Variants in ZDHHC20 observed in about 807,000 individuals in gnomAD.
ZDHHC20 encodes the protein zDHHC palmitoyltransferase 20, also known as palmitoyltransferase ZDHHC20.
A neutral mutation model predicts 57.8 loss-of-function variants in ZDHHC20; 43 were observed. That is an observed-to-expected ratio of 0.74 (90% confidence interval 0.58 to 0.96). ZDHHC20 has a LOEUF of 0.96. ZDHHC20 is among the 40% of genes least tolerant of loss of function. The probability of loss-of-function intolerance (pLI) is 0.00; values close to 1 mark genes in which losing one functional copy is unlikely to be tolerated. For missense variants in ZDHHC20, 391 were observed against 441.1 expected (o/e 0.89, Z 1.02); for synonymous variants, 157 against 153.0 (o/e 1.03, Z -0.19).
intron 3 of ZDHHC20, among the ~76,000 whole-genome samples, chr13:21,419,473 T>G (rs998660352): frequency 2.0e-5 from 3 of 152,194 alleles, no homozygotes; most frequent in Admixed American, 6.5e-5. Flanking sequence ...TCATCAACAG[T>G]AGACCGAGTA....
At chr13:21,412,438 T>C (rs1002989187) in intron 4 of ZDHHC20, among the ~76,000 whole-genome samples, 1 of 151,976 alleles carries the variant, frequency 6.6e-6, no homozygotes, top group African/African-American at 2.4e-5. Context: ...ACTGTGAAGT[T>C]AAGACATAGG....
At chr13:21,432,693 T>A (rs1297132634) in intron 1 of ZDHHC20, among the ~76,000 whole-genome samples, 1 of 152,182 alleles carries the variant, frequency 6.6e-6, no homozygotes, top group Non-Finnish European at 1.5e-5. Flanking sequence ...TGTCTTGAAC[T>A]CCTGACCTCA....
intron 1 of ZDHHC20, among the ~76,000 whole-genome samples, chr13:21,428,065 A>C (rs546553801): frequency 6.6e-6 from 1 of 152,188 alleles, no homozygotes; most frequent in East Asian, 1.9e-4. Flanking sequence ...CCAGCATCTG[A>C]AACAGTGTAC....
intron 1 of ZDHHC20, among the ~76,000 whole-genome samples, chr13:21,434,669 C>T (rs1325796358): frequency 6.6e-6 from 1 of 152,214 alleles, no homozygotes; most frequent in African/African-American, 2.4e-5. Flanking sequence ...TTACCACCAT[C>T]TTCCCTAAAT....
At chr13:21,458,924 G>A (rs1885152284) in intron 1 of ZDHHC20, 130 bp downstream of exon 1, 2 of 622,060 alleles carry the variant, frequency 3.2e-6, no homozygotes. Flanking sequence ...GCGCTTCCGA[G>A]CGCGTTCGGG....
intron 1 of ZDHHC20, among the ~76,000 whole-genome samples, chr13:21,454,199 G>A (rs1884712759): frequency 6.6e-6 from 1 of 152,046 alleles, no homozygotes; most frequent in Non-Finnish European, 1.5e-5. Flanking sequence ...GGTGGCACAT[G>A]CCTATAATCC....
At chr13:21,387,805 G>A (rs910013890) in intron 8 of ZDHHC20, among the ~76,000 whole-genome samples, 171 bp from the exon 9 acceptor site, 40 of 151,226 alleles carry the variant, frequency 2.6e-4, no homozygotes, top group Non-Finnish European at 1.5e-5. Context: ...ACTTATTTTG[G>A]GAAAAAATAG....
intron 11 of ZDHHC20, among the ~76,000 whole-genome samples, chr13:21,380,787 T>C (rs1414462411): frequency 1.4e-5 from 2 of 138,856 alleles, no homozygotes; most frequent in African/African-American, 2.9e-5. Flanking sequence ...CGAAATTCCA[T>C]CTCAAAAAAA....
Position 21,416,364 on chromosome 13 carries a change from TTCAAAACTAG to T in ZDHHC20, c.250-2602_250-2593del, listed in dbSNP as rs1373770533. 5.3e-5 allele frequency among the ~76,000 whole-genome samples: 8 copies of T among 152,316 alleles called. 1 individual carries two copies. In the East Asian group the frequency reaches 1.3e-3, roughly 26 times the overall value. On this transcript the variant is annotated intron_variant, in intron 3 of 12. Transcript: ENST00000400590. ...TTAGTACTACAAGTTTGTCTTTTTA[TTCAAAACTAG>T]TGAACAGAATTCAAACTATGAAATG...
At chr13:21,404,185 T>C in intron 4 of ZDHHC20, 2 of 397,198 alleles carry the variant, frequency 5.0e-6, no homozygotes, top group Non-Finnish European at 1.0e-5. Context: ...ACAAAAATTT[T>C]CCATACAGAA....
intron 9 of ZDHHC20, among the ~76,000 whole-genome samples, chr13:21,386,002 G>T (rs1056577398): frequency 5.3e-5 from 8 of 152,164 alleles, no homozygotes; most frequent in Non-Finnish European, 1.2e-4. Context: ...TATCGACTTA[G>T]AATTCACTGT....
chr13:21,374,951 T>G lies in ZDHHC20; in HGVS notation c.*1745A>C, dbSNP rs895162957. 12 of 357,332 alleles carry G rather than the reference T, an allele frequency of 3.4e-5. No individual in the cohort carries two copies. Among genetic ancestry groups the G allele is most frequent in the African/African-American group, 2.6e-4 (12 of 46,592 alleles). 22.1% of individuals were successfully genotyped at this position (357,332 alleles called of 1,614,324 possible). ...GAGTTAGTGATCAGCCTGGTCAACA[T>G]GGTGAAACCTCGTCTCTTCTAAAAA... On this transcript the variant is annotated 3_prime_UTR_variant, in exon 13 of 13. Coordinates refer to ENST00000400590, the MANE Select transcript of ZDHHC20 (RefSeq NM_001330059.2).
At chr13:21,381,657 C>T in intron 10 of ZDHHC20, 108 bp from the exon 11 acceptor site, 4 of 740,130 alleles carry the variant, frequency 5.4e-6, no homozygotes, top group Admixed American at 5.0e-5. Context: ...TATGTGAGGG[C>T]AACTCATGAG....
chr13:21,381,325 T>C (rs1873368537), intron 11 of ZDHHC20, 109 bp downstream of exon 11: 1 of 938,686 alleles, frequency 1.1e-6, no homozygotes, highest in African/African-American at 1.7e-5. Flanking sequence ...AAGTTTCACA[T>C]ATTTTAGTAT....
chr13:21,391,133 T>G (rs1875634591), intron 8 of ZDHHC20, among the ~76,000 whole-genome samples: 1 of 151,894 alleles, frequency 6.6e-6, no homozygotes, highest in Non-Finnish European at 1.5e-5. Flanking sequence ...CAGCTAGTTT[T>G]GTTTTGTATT....
intron 1 of ZDHHC20, among the ~76,000 whole-genome samples, chr13:21,440,086 A>G (rs1882984106): frequency 2.0e-5 from 3 of 150,650 alleles, no homozygotes; most frequent in Admixed American, 2.0e-4. Flanking sequence ...AAAAAAAAAA[A>G]AAAAAAAAAA....
chr13:21,391,000 C>T (rs919660480), intron 8 of ZDHHC20, among the ~76,000 whole-genome samples: 1 of 150,582 alleles, frequency 6.6e-6, no homozygotes, highest in Non-Finnish European at 1.5e-5. Flanking sequence ...TATTTGAGAA[C>T]AAACTTCCTT....
intron 11 of ZDHHC20, among the ~76,000 whole-genome samples, chr13:21,378,952 A>G (rs2137622989): frequency 6.6e-6 from 1 of 152,322 alleles, no homozygotes. Context: ...ATCTTGTGGA[A>G]ATACCTATTG....
intron 1 of ZDHHC20, among the ~76,000 whole-genome samples, chr13:21,450,346 A>C: frequency 6.6e-6 from 1 of 152,152 alleles, no homozygotes; most frequent in East Asian, 1.9e-4. Flanking sequence ...GAACAGTCTG[A>C]CTTGGTTTCT....
Sources: allele counts gnomAD v4.1 joint callset (sites outside exome capture counted in the v4.1 genomes callset), GRCh38; gene constraint gnomAD v4.1.1; transcripts MANE v1.5; gene names NCBI Gene and HGNC (gene_info 2026-07-23, HGNC 2026-07-21).